Variants in CELF2 observed in about 807,000 individuals in gnomAD.
CELF2 encodes CUG triplet repeat RNA-binding protein 2.
A neutral mutation model predicts 62.6 loss-of-function variants in CELF2; 8 were observed. That is an observed-to-expected ratio of 0.13 (90% CI 0.07 to 0.23). The LOEUF (loss-of-function observed/expected upper bound fraction) is 0.23, where lower values mean the gene tolerates loss of function less well. Ranked by LOEUF, CELF2 falls within the 10% of genes least tolerant of loss-of-function variation. The pLI is 1.00. For missense variants in CELF2, 333 were observed against 671.0 expected (o/e 0.50, Z 5.56); for synonymous variants, 258 against 250.0 (o/e 1.03, Z -0.30).
At chr10:10,535,219 G>A in the CELF2 span, among the ~76,000 whole-genome samples, 6 of 152,174 alleles carry the variant, frequency 3.9e-5, no homozygotes, top group Admixed American at 1.3e-4. Context: ...GAGTGTCAGA[G>A]TACACAGGAC....
chr10:10,482,201 T>C, the CELF2 span, among the ~76,000 whole-genome samples: 1 of 152,270 alleles, frequency 6.6e-6, no homozygotes, highest in South Asian at 2.1e-4. Context: ...GGAAAGATTC[T>C]GTTAGAATTG....
At chr10:11,235,168 A>C (rs145711954) in intron 3 of CELF2, among the ~76,000 whole-genome samples, 5 of 146,898 alleles carry the variant, frequency 3.4e-5, no homozygotes, top group Non-Finnish European at 7.7e-5. Context: ...AAGACAAAAA[A>C]AACAAAGCAA....
At chr10:10,821,985 T>A (rs933155370) in intron 1 of CELF2, among the ~76,000 whole-genome samples, 2 of 152,204 alleles carry the variant, frequency 1.3e-5, no homozygotes, top group Non-Finnish European at 2.9e-5. Flanking sequence ...CTGAGAAGCC[T>A]TGGGGCATCG....
At chr10:10,814,214 T>TAAAA (rs759524110) in intron 1 of CELF2, among the ~76,000 whole-genome samples, 759 of 44,416 alleles carry the variant, frequency 0.017, 139 homozygotes, top group African/African-American at 0.064. Context: ...AGAAGAGTCC[T>TAAAA]AAAAAAAAAA....
the CELF2 span, among the ~76,000 whole-genome samples, chr10:10,588,319 G>A: frequency 6.6e-6 from 1 of 152,170 alleles, no homozygotes; most frequent in Non-Finnish European, 1.5e-5. Context: ...GGAACAAGCA[G>A]GTGAATGAGA....
chr10:11,253,778 ACCCC>A (rs1159941802), intron 4 of CELF2, among the ~76,000 whole-genome samples: 2 of 152,004 alleles, frequency 1.3e-5, no homozygotes, highest in East Asian at 3.9e-4. Context: ...CTGGTGTGGA[ACCCC>A]TTTTGATTCT....
chr10:10,665,863 CA>C, the CELF2 span, among the ~76,000 whole-genome samples: 3 of 152,148 alleles, frequency 2.0e-5, no homozygotes, highest in African/African-American at 4.8e-5. Context: ...AAATATTCTA[CA>C]AAAACTACTC....
the CELF2 span, among the ~76,000 whole-genome samples, chr10:10,684,639 G>T: frequency 1.3e-5 from 2 of 152,266 alleles, no homozygotes; most frequent in East Asian, 3.9e-4. Context: ...AGCTACTCAG[G>T]AGGCTGAGGT....
chr10:11,239,785 A>G (rs1175352644), intron 3 of CELF2, among the ~76,000 whole-genome samples: 1 of 152,154 alleles, frequency 6.6e-6, no homozygotes, highest in East Asian at 1.9e-4. Flanking sequence ...CTGACAAGGC[A>G]CAGTGGGTCG....
chr10:10,487,401 T>G, the CELF2 span, among the ~76,000 whole-genome samples: 2 of 152,224 alleles, frequency 1.3e-5, no homozygotes, highest in African/African-American at 4.8e-5. Flanking sequence ...AGCAGCCTGG[T>G]TGATTTTGTC....
chr10:10,479,806 C>G, the CELF2 span, among the ~76,000 whole-genome samples: 1 of 152,206 alleles, frequency 6.6e-6, no homozygotes, highest in Non-Finnish European at 1.5e-5. Flanking sequence ...AATTGCATAA[C>G]GTTTGCAATC....
chr10:10,623,398 A>G, the CELF2 span, among the ~76,000 whole-genome samples: 1 of 152,242 alleles, frequency 6.6e-6, no homozygotes, highest in African/African-American at 2.4e-5. Context: ...ACCTCTCTTC[A>G]TACTATATTC....
chr10:11,304,803 C>G (rs1346903795), intron 9 of CELF2, among the ~76,000 whole-genome samples: 1 of 152,204 alleles, frequency 6.6e-6, no homozygotes, highest in African/African-American at 2.4e-5. Context: ...ATAGCACATT[C>G]CATCTACAAT....
chr10:10,607,048 G>T, the CELF2 span, among the ~76,000 whole-genome samples: 3 of 152,236 alleles, frequency 2.0e-5, no homozygotes, highest in Non-Finnish European at 4.4e-5. Flanking sequence ...AAACATCATC[G>T]TGGTGTTATG....
At chr10:10,677,332 A>T in the CELF2 span, among the ~76,000 whole-genome samples, 1 of 152,236 alleles carries the variant, frequency 6.6e-6, no homozygotes, top group Non-Finnish European at 1.5e-5. Context: ...AGGTCCTGGC[A>T]TAAACCCATG....
chr10:11,087,473 T>C (rs887796252), intron 1 of CELF2, among the ~76,000 whole-genome samples: 4 of 152,194 alleles, frequency 2.6e-5, no homozygotes, highest in Non-Finnish European at 5.9e-5. Context: ...AGCAACTGGC[T>C]TCTCCATTTA....
At chr10:11,284,718 G>C (rs1254486166) in intron 8 of CELF2, among the ~76,000 whole-genome samples, 1 of 150,330 alleles carries the variant, frequency 6.7e-6, no homozygotes, top group Non-Finnish European at 1.5e-5. Flanking sequence ...GGATGGGTGA[G>C]AGGATAATGG....
At chr10:10,986,062 G>T (rs530029906) in intron 2 of CELF2, among the ~76,000 whole-genome samples, 2 of 152,078 alleles carry the variant, frequency 1.3e-5, no homozygotes, top group African/African-American at 4.8e-5. Flanking sequence ...TTATCTATTT[G>T]TCTCCCAAGC....
At chr10:10,836,980 T>C (rs1369947699) in intron 1 of CELF2, among the ~76,000 whole-genome samples, 1 of 152,222 alleles carries the variant, frequency 6.6e-6, no homozygotes, top group Non-Finnish European at 1.5e-5. Flanking sequence ...TTGGTCTGGT[T>C]AAATTGAACT....
Sources: allele counts gnomAD v4.1 joint callset (sites outside exome capture counted in the v4.1 genomes callset), GRCh38; gene constraint gnomAD v4.1.1; transcripts MANE v1.5; gene names NCBI Gene and HGNC (gene_info 2026-07-23, HGNC 2026-07-21).